Variants in XYLT1 observed in about 807,000 individuals in gnomAD.
XYLT1 encodes the protein xylosyltransferase 1.
XYLT1 carries 36 observed loss-of-function variants against 91.3 expected under a neutral mutation model. The ratio of observed to expected loss-of-function variants is 0.39; its 90% CI spans 0.30 to 0.52. The LOEUF (loss-of-function observed/expected upper bound fraction) is 0.52. XYLT1 is among the 20% of genes least tolerant of loss of function. The pLI, the probability that XYLT1 is intolerant of heterozygous loss-of-function variation, is 0.68. For synonymous variants in XYLT1, 588 were observed against 532.0 expected (o/e 1.11, Z -1.45); for missense variants, 1,242 against 1,284.5 (o/e 0.97, Z 0.51).
At chr16:17,364,598 G>C (rs1353003635) in intron 1 of XYLT1, among the ~76,000 whole-genome samples, 1 of 152,138 alleles carries the variant, frequency 6.6e-6, no homozygotes, top group East Asian at 1.9e-4. Flanking sequence ...CCTATGTCAC[G>C]TGACGGCAGT....
At chr16:17,277,488 CAA>C (rs1359246607) in intron 2 of XYLT1, among the ~76,000 whole-genome samples, 2 of 152,126 alleles carry the variant, frequency 1.3e-5, no homozygotes, top group African/African-American at 4.8e-5. Flanking sequence ...CTCCGGGGTT[CAA>C]GAGATTCTCC....
intron 1 of XYLT1, among the ~76,000 whole-genome samples, chr16:17,364,931 C>A (rs980761637): frequency 6.6e-6 from 1 of 152,164 alleles, no homozygotes; most frequent in Non-Finnish European, 1.5e-5. Flanking sequence ...GGGATTCTTA[C>A]GTACGCTGAA....
Position 17,238,872 on chromosome 16 carries a change from C to A in XYLT1, c.913+20116G>T, listed in dbSNP as rs965051678. On this transcript the variant is annotated intron_variant, in intron 3 of 11. Coordinates refer to ENST00000261381, the MANE Select transcript of XYLT1 (RefSeq NM_022166.4). ...TTTTCCAAATAAGTCGAGGAGTTTA[C>A]GTGATCTCACAATGGGGTGAGATAT... Among the ~76,000 whole-genome samples the A allele has an allele frequency of 1.3e-5, 2 of 152,326 alleles. 1 individual carries two copies. The highest frequency in any genetic ancestry group is 1.3e-4 in the Admixed American group (2 of 15,308).
chr16:17,258,882 A>C, intron 3 of XYLT1, 106 bp downstream of exon 3: 1 of 1,319,002 alleles, frequency 7.6e-7, no homozygotes. Context: ...TTTGGAAAAC[A>C]GGGTGGCCTT....
chr16:17,135,718 G>C (rs933535234), intron 8 of XYLT1, among the ~76,000 whole-genome samples: 3 of 152,184 alleles, frequency 2.0e-5, no homozygotes, highest in Admixed American at 6.5e-5. Context: ...GAAGAGTCAG[G>C]GTCCAGGGTT....
chr16:17,408,546 C>T (rs999513796), intron 1 of XYLT1, among the ~76,000 whole-genome samples: 2 of 152,160 alleles, frequency 1.3e-5, no homozygotes, highest in African/African-American at 4.8e-5. Flanking sequence ...TGATGTGCTT[C>T]TAGGTGCTAA....
Position 17,186,819 on chromosome 16 carries a change from T to TG in XYLT1, c.1289+11392dup, listed in dbSNP as rs1319695290. Among the ~76,000 whole-genome samples the TG allele has an allele frequency of 3.3e-5, 5 of 152,188 alleles. No homozygotes were observed. The East Asian group carries it at 9.7e-4, about 29-fold the overall frequency. ...CAGCCTGTCTTCTCCTGGGAGACCT[T>TG]GGAGTCCCCGTCAGAGCACACCTGT... On this transcript the variant is annotated intron_variant, in intron 5 of 11. Transcript: ENST00000261381.
At chr16:17,286,413 C>T (rs2034141243) in intron 2 of XYLT1, among the ~76,000 whole-genome samples, 1 of 152,186 alleles carries the variant, frequency 6.6e-6, no homozygotes, top group Non-Finnish European at 1.5e-5. Context: ...CATGGACTGA[C>T]TCACCAATAT....
At chr16:17,162,998 A>C (rs2031591044) in intron 5 of XYLT1, among the ~76,000 whole-genome samples, 2 of 152,250 alleles carry the variant, frequency 1.3e-5, no homozygotes, top group African/African-American at 4.8e-5. Flanking sequence ...AGTACTTGGC[A>C]TATAGTAATC....
At chr16:17,304,492 C>G (rs1049024264) in intron 2 of XYLT1, among the ~76,000 whole-genome samples, 1 of 151,168 alleles carries the variant, frequency 6.6e-6, no homozygotes, top group Non-Finnish European at 1.5e-5. Flanking sequence ...ATTTGGACCG[C>G]GCAGGGGAGG....
At chr16:17,299,322 AG>A (rs1317630650) in intron 2 of XYLT1, among the ~76,000 whole-genome samples, 1 of 152,174 alleles carries the variant, frequency 6.6e-6, no homozygotes, top group African/African-American at 2.4e-5. Flanking sequence ...CAGAATGAAG[AG>A]GGGGTGGCAG....
chr16:17,309,276 C>T (rs566278706), intron 2 of XYLT1, among the ~76,000 whole-genome samples: 1 of 152,154 alleles, frequency 6.6e-6, no homozygotes, highest in Non-Finnish European at 1.5e-5. Flanking sequence ...GTAGTTGTAA[C>T]AACTAAAAAA....
At chr16:17,438,414 G>A (rs2036488054) in intron 1 of XYLT1, among the ~76,000 whole-genome samples, 1 of 152,036 alleles carries the variant, frequency 6.6e-6, no homozygotes, top group African/African-American at 2.4e-5. Context: ...GTCCTCATTG[G>A]GGCAACTATG....
intron 5 of XYLT1, among the ~76,000 whole-genome samples, chr16:17,162,595 ATG>A (rs2031581889): frequency 6.6e-6 from 1 of 152,178 alleles, no homozygotes. Flanking sequence ...GAATGAATGA[ATG>A]AATGTATTCC....
intron 2 of XYLT1, among the ~76,000 whole-genome samples, chr16:17,287,251 CT>C (rs1004219438): frequency 3.3e-5 from 5 of 151,222 alleles, no homozygotes; most frequent in African/African-American, 1.2e-4. Flanking sequence ...CACTCCCCCT[CT>C]TTTTTTTTAA....
At chr16:17,180,207 A>T (rs8046601) in intron 5 of XYLT1, among the ~76,000 whole-genome samples, 1 of 152,044 alleles carries the variant, frequency 6.6e-6, no homozygotes, top group Non-Finnish European at 1.5e-5. Flanking sequence ...TGCAGCCATC[A>T]CTGTCATGAA....
At chr16:17,342,857 T>C (rs1263954997) in intron 2 of XYLT1, among the ~76,000 whole-genome samples, 1 of 152,182 alleles carries the variant, frequency 6.6e-6, no homozygotes, top group Admixed American at 6.5e-5. Context: ...ACTCAACACA[T>C]ATTTATTGAA....
chr16:17,153,825 C>T (rs996420339), intron 6 of XYLT1, among the ~76,000 whole-genome samples: 2 of 152,168 alleles, frequency 1.3e-5, no homozygotes, highest in African/African-American at 2.4e-5. Flanking sequence ...CCTACCCTCA[C>T]CCATGCAAAA....
intron 5 of XYLT1, among the ~76,000 whole-genome samples, chr16:17,196,411 A>T (rs1247575424): frequency 6.6e-6 from 1 of 152,252 alleles, no homozygotes; most frequent in African/African-American, 2.4e-5. Context: ...CTAGATATAT[A>T]CTGAAATATT....
Sources: gnomAD v4.1 joint callset for allele counts (sites outside exome capture counted in the v4.1 genomes callset) on GRCh38, gnomAD v4.1.1 for gene constraint, MANE v1.5 for transcripts, NCBI Gene and HGNC (gene_info 2026-07-23, HGNC 2026-07-21) for gene names.